The following DNAH1 variants were observed in gnomAD, a reference collection of about 807,000 sequenced individuals.
The protein encoded by DNAH1 is axonemal beta dynein heavy chain 1.
In DNAH1, 327 loss-of-function variants were observed where a neutral mutation model predicts 484.3. That is an observed-to-expected ratio of 0.68 (90% confidence interval 0.62 to 0.74). The LOEUF (loss-of-function observed/expected upper bound fraction) is 0.74. Ranked by LOEUF, DNAH1 falls within the 30% of genes least tolerant of loss-of-function variation. DNAH1 has a pLI of 0.00. For synonymous variants in DNAH1, 2,192 were observed against 2,191.9 expected (o/e 1.00, Z 0.00); for missense variants, 5,052 against 5,546.8 (o/e 0.91, Z 2.83).
chr3:52,335,722 T>C (rs1701720298), intron 8 of DNAH1, among the ~76,000 whole-genome samples: 1 of 151,970 alleles, frequency 6.6e-6, no homozygotes, highest in African/African-American at 2.4e-5. Flanking sequence ...GCAACCTCTG[T>C]CTCCTGGGTT....
intron 1 of DNAH1, among the ~76,000 whole-genome samples, chr3:52,318,786 G>A (rs930618641): frequency 5.3e-5 from 8 of 152,226 alleles, no homozygotes; most frequent in Non-Finnish European, 8.8e-5. Flanking sequence ...CAAGCCTGGG[G>A]GAGCAATAAC....
chr3:52,396,984 T>C lies in DNAH1; in HGVS notation c.11727T>C (p.Pro3909=), dbSNP rs545558021. ...EDFYNPDVLS[P]EHSYSASGIY... ...TCTACAACCCTGACGTGCTCTCCCC[T>C]GAGCACAGCTACAGCGCCTCGGGCA... The change falls in exon 73 of 78, where the codon CCT becomes CCC. Residue 3909 remains proline, a synonymous_variant. Coordinates refer to ENST00000420323, the MANE Select transcript of DNAH1 (RefSeq NM_015512.5). 1 of 1,612,688 alleles carries C rather than the reference T, an allele frequency of 6.2e-7. No homozygotes were observed. The highest frequency in any genetic ancestry group is 2.2e-5 in the East Asian group (1 of 44,760).
At chr3:52,382,720 A>G (rs572265216) in intron 50 of DNAH1, among the ~76,000 whole-genome samples, 6 of 152,324 alleles carry the variant, frequency 3.9e-5, no homozygotes, top group African/African-American at 1.4e-4. Flanking sequence ...CACCCCACTC[A>G]CTGGCCAATG....
At position 52,395,799 on chromosome 3, in the gene DNAH1, G is replaced by C. The variant is rs937540177; in HGVS notation, c.11259+121G>C. On this transcript the variant is annotated intron_variant, in intron 70 of 77. Transcript: ENST00000420323. This position sits in a 1 kb window ranked among gnomAD's most constrained non-coding sequence, Gnocchi z 4.4. Reference sequence around the variant, plus strand: ...GCCCAGCCTCTAGCACGTGGCAAGTGCTCAGCAACTGACATGTGCCACACA... The same window carrying C: ...GCCCAGCCTCTAGCACGTGGCAAGTCCTCAGCAACTGACATGTGCCACACA... 13 of 1,390,792 alleles carry C rather than the reference G, an allele frequency of 9.3e-6. No individual in the cohort carries two copies. In the African/African-American group the frequency reaches 1.6e-4, roughly 17 times the overall value. The allele number at this position is 1,390,792 out of a possible 1,614,324, so 86.2% of individuals were successfully genotyped here.
intron 8 of DNAH1, among the ~76,000 whole-genome samples, chr3:52,341,311 C>T (rs1701930521): frequency 6.6e-6 from 1 of 152,194 alleles, no homozygotes; most frequent in Admixed American, 6.5e-5. Flanking sequence ...TCCGTAGAAG[C>T]AGACCCTGAT....
At chr3:52,370,898 T>C in intron 41 of DNAH1, 73 bp downstream of exon 41, 2 of 1,453,222 alleles carry the variant, frequency 1.4e-6, no homozygotes, top group Non-Finnish European at 9.4e-7. Context: ...CAATGAATTA[T>C]GGCCACACAG....
intron 44 of DNAH1, among the ~76,000 whole-genome samples, 173 bp downstream of exon 44, chr3:52,373,226 C>G (rs1450901600): frequency 1.3e-5 from 2 of 152,030 alleles, no homozygotes; most frequent in South Asian, 2.1e-4. Context: ...GGAGAGACGC[C>G]GCCGCCACGG....
chr3:52,358,629 C>T lies in DNAH1; in HGVS notation c.4158C>T (p.Phe1386=), dbSNP rs1702718055. Reference sequence around the variant, plus strand: ...AGGGGGAGGAGGTACAGTTGTGCTTCTCCATCTACCCCTCCAGCAACGTGG... The same window carrying T: ...AGGGGGAGGAGGTACAGTTGTGCTTTTCCATCTACCCCTCCAGCAACGTGG... ...SAEGEEVQLC[F]SIYPSSNVED... is the part of the protein sequence containing the mutation. The change falls in exon 25 of 78, where the codon TTC becomes TTT. Residue 1386 remains phenylalanine (F), a synonymous_variant. Transcript: ENST00000420323. This position sits in a 1 kb window ranked among gnomAD's most constrained non-coding sequence, Gnocchi z 4.2. 5.0e-6 allele frequency: 8 copies of T among 1,613,210 alleles called. No individual in the cohort carries two copies. The highest frequency in any genetic ancestry group is 1.1e-5 in the South Asian group (1 of 91,064).
chr3:52,384,751 C>T, intron 52 of DNAH1, 35 bp from the exon 53 acceptor site: 1 of 1,541,274 alleles, frequency 6.5e-7, no homozygotes, highest in Non-Finnish European at 8.8e-7. Flanking sequence ...CCTGGGGCCT[C>T]TACCAGGCCG....
At chr3:52,315,103 C>T (rs2153222119), upstream of DNAH1, among the ~76,000 whole-genome samples, 1 of 152,310 alleles carries the variant, frequency 6.6e-6, no homozygotes, top group East Asian at 1.9e-4. Flanking sequence ...GGCAGGGAGG[C>T]TTATGTCGGG....
chr3:52,400,206 C>T, intron 77 of DNAH1, 119 bp from the exon 78 acceptor site: 4 of 1,409,316 alleles, frequency 2.8e-6, no homozygotes, highest in Non-Finnish European at 3.9e-6. Flanking sequence ...TAGGCTTCCT[C>T]TTGGGTCAGG....
chr3:52,326,273 G>A lies in DNAH1; in HGVS notation c.540G>A (p.Gln180=). 1 of 1,611,498 alleles carries A rather than the reference G, an allele frequency of 6.2e-7. No homozygotes were observed. Among genetic ancestry groups the A allele is most frequent in the African/African-American group, 1.3e-5 (1 of 75,060 alleles). ...AYEPKMQVPF[Q]VLPGQHPRKI... is the part of the protein sequence containing the mutation. ...AGCCCAAGATGCAGGTGCCTTTCCA[G>A]GTGCTGCCAGGCCAGCATCCTCGCA... The change falls in exon 4 of 78, where the codon CAG becomes CAA. Residue 180 remains glutamine, a synonymous_variant. Transcript: ENST00000420323.
Position 52,347,886 on chromosome 3 carries a change from G to A in DNAH1, c.2018G>A (p.Ser673Asn), listed in dbSNP as rs368209498. ...CTGGACAGCTCTGGGGTGCACTATA[G>A]CACCCCACTGGAGCAGTTTGAGGCA... ...LVLDSSGVHY[S>N]TPLEQFEASL... Residue 673 changes from serine to asparagine, a missense_variant, in exon 12 of 78, where the codon AGC becomes AAC. Around this residue, in one of 4 missense-constraint regions of DNAH1, gnomAD observed 1,263 missense variants for 1,218.8 expected, o/e 1.04. Transcript: ENST00000420323. 3.1e-6 allele frequency: 5 copies of A among 1,607,086 alleles called. No individual in the cohort carries two copies. Among genetic ancestry groups the A allele is most frequent in the Non-Finnish European group, 4.2e-6 (5 of 1,176,864 alleles).
chr3:52,370,426 C>T (rs369761278), intron 39 of DNAH1, 51 bp from the exon 40 acceptor site: 182 of 1,609,958 alleles, frequency 1.1e-4, no homozygotes, highest in Non-Finnish European at 1.3e-4. Flanking sequence ...CTTCCTCAGG[C>T]CGCTTGATAC....
chr3:52,390,913 T>A, intron 60 of DNAH1, 22 bp from the exon 61 acceptor site: 1 of 1,551,418 alleles, frequency 6.4e-7, no homozygotes, highest in Non-Finnish European at 8.7e-7. Context: ...TCTGACCCAG[T>A]CCAGTGCCTG....
chr3:52,358,449 T>G lies in DNAH1; in HGVS notation c.4087-109T>G, dbSNP rs1460121214. On this transcript the variant is annotated intron_variant, in intron 24 of 77. Coordinates refer to ENST00000420323, the MANE Select transcript of DNAH1 (RefSeq NM_015512.5). The surrounding 1 kb of genome is among the most constrained non-coding windows in gnomAD (Gnocchi z 4.2). Reference sequence around the variant, plus strand: ...TCTCGGGGGGACGGGAAGGCAGGGCTTTCTTCTTGAGGTGGAGGGCACCGG... The same window carrying G: ...TCTCGGGGGGACGGGAAGGCAGGGCGTTCTTCTTGAGGTGGAGGGCACCGG... 2 of 1,210,284 alleles carry G rather than the reference T, an allele frequency of 1.7e-6. No homozygotes were observed. Among genetic ancestry groups the G allele is most frequent in the Non-Finnish European group, 2.3e-6 (2 of 886,788 alleles). 75.0% of individuals were successfully genotyped at this position (1,210,284 alleles called of 1,614,324 possible).
Position 52,349,285 on chromosome 3 carries a change from G to A in DNAH1, c.2391G>A (p.Leu797=). The A allele has an allele frequency of 1.2e-6, 2 of 1,614,030 alleles. No homozygotes were observed. The highest frequency in any genetic ancestry group is 1.7e-6 in the Non-Finnish European group (2 of 1,179,894). The part of the protein sequence containing the change: ...LREKEILDSS[L]PSSIIIGPFY... ...AGAAGGAGATCCTGGACAGCTCGCTGCCCAGCAGCATCATCATTGGGCCTT... is the reference window on the plus strand; with the variant it reads ...AGAAGGAGATCCTGGACAGCTCGCTACCCAGCAGCATCATCATTGGGCCTT... Residue 797 remains leucine (L), a synonymous_variant, in exon 14 of 78, where the codon CTG becomes CTA. Transcript: ENST00000420323.
At chr3:52,348,612 G>A (rs1702240269) in intron 12 of DNAH1, among the ~76,000 whole-genome samples, 2 of 152,196 alleles carry the variant, frequency 1.3e-5, no homozygotes, top group Admixed American at 1.3e-4. Flanking sequence ...GTCCTGGGCT[G>A]AGTCAGGCCC....
chr3:52,339,333 A>T (rs1701845270), intron 8 of DNAH1, among the ~76,000 whole-genome samples: 1 of 143,020 alleles, frequency 7.0e-6, no homozygotes, highest in African/African-American at 2.6e-5. Flanking sequence ...CTTTGATTTG[A>T]CTCTGTTTTC....
Sources: gnomAD v4.1 joint callset for allele counts (sites outside exome capture counted in the v4.1 genomes callset) on GRCh38, gnomAD v4.1.1 for gene constraint, gnomAD v4.1.1 regional missense constraint, Gnocchi (gnomAD v3.1) non-coding constraint, MANE v1.5 for transcripts, NCBI Gene and HGNC (gene_info 2026-07-23, HGNC 2026-07-21) for gene names.